The following CACNA1C variants were observed in gnomAD, a reference collection of about 807,000 sequenced individuals.
CACNA1C encodes calcium voltage-gated channel subunit alpha1 C.
Under a neutral mutation model 229.0 loss-of-function variants are expected in CACNA1C, and 30 were observed. The observed-to-expected ratio is 0.13, with a 90% CI of 0.10 to 0.18. The LOEUF (loss-of-function observed/expected upper bound fraction) is 0.18, where lower values mean the gene tolerates loss of function less well. Among genes scored for constraint, CACNA1C ranks in the 10% least tolerant of loss-of-function variants. CACNA1C has a pLI of 1.00. For synonymous variants in CACNA1C, 1,114 were observed against 1,132.5 expected (o/e 0.98, Z 0.33); for missense variants, 1,658 against 2,845.0 (o/e 0.58, Z 9.49).
chr12:2,380,665 T>G (rs2098217193), intron 3 of CACNA1C, among the ~76,000 whole-genome samples: 1 of 152,240 alleles, frequency 6.6e-6, no homozygotes, highest in Admixed American at 6.5e-5. Context: ...AAGGTTGTTC[T>G]TGGCTTAAGG....
intron 7 of CACNA1C, among the ~76,000 whole-genome samples, chr12:2,501,989 G>A (rs2099761525): frequency 6.6e-6 from 1 of 152,236 alleles, no homozygotes; most frequent in African/African-American, 2.4e-5. Context: ...AGGACCACAT[G>A]GACTCTGGGG....
At chr12:2,365,363 A>G (rs545888313) in intron 3 of CACNA1C, among the ~76,000 whole-genome samples, 8 of 152,354 alleles carry the variant, frequency 5.3e-5, no homozygotes, top group South Asian at 2.1e-4. Context: ...CTAGGTTTAG[A>G]TCAAAAGAAT....
At position 2,034,061 on chromosome 12, in the gene CACNA1C, A is replaced by G. The variant is rs1343728114; in HGVS notation, c.139+62860A>G. Among the ~76,000 whole-genome samples, 1 of 152,214 alleles carries G rather than the reference A, an allele frequency of 6.6e-6. No homozygotes were observed. Among genetic ancestry groups the G allele is most frequent in the Non-Finnish European group, 1.5e-5 (1 of 68,022 alleles). ...GCAACATTTATTAATAATAATAACG[A>G]CCACATTTTTAACATCTGCTACACC... On this transcript the variant is annotated intron_variant, in intron 1 of 46. Transcript: ENST00000682462. This position sits in a 1 kb window ranked among gnomAD's most constrained non-coding sequence, Gnocchi z 4.1.
chr12:2,072,051 C>T (rs1040292634), intron 1 of CACNA1C, among the ~76,000 whole-genome samples: 3 of 151,864 alleles, frequency 2.0e-5, no homozygotes, highest in South Asian at 2.1e-4. Context: ...GTATATTTAC[C>T]GGAAAGGGGT....
Position 2,621,159 on chromosome 12 carries a change from A to C in CACNA1C, c.3828+9146A>C, listed in dbSNP as rs561921145. On this transcript the variant is annotated intron_variant, in intron 29 of 46. Transcript: ENST00000399655. ...AGCGCCTCAGTGATGATGTTGAAGC[A>C]TGGTACCATCTTTATAGGGCTCACA... Among the ~76,000 whole-genome samples, 3 of 152,282 alleles carry C rather than the reference A, an allele frequency of 2.0e-5. No homozygotes were observed. In the South Asian group the frequency reaches 6.2e-4, roughly 32 times the overall value.
In CACNA1C at chr12:2,504,611, C is replaced by A. The variant is rs1471232650; in HGVS notation, c.1114-231C>A. 2.1e-6 allele frequency: 2 copies of A among 935,586 alleles called. No individual in the cohort carries two copies. The highest frequency in any genetic ancestry group is 3.5e-6 in the Non-Finnish European group (2 of 566,424). 58.0% of individuals were successfully genotyped at this position (935,586 alleles called of 1,614,324 possible). A position where few individuals can be genotyped will look rare whatever the true frequency, so the allele number is the denominator to read the frequency against. ...GTCTCAGGTTCCACTCCGTACATGC[C>A]CGGGGTCCTCAGGGATGGGACCCTG... On this transcript the variant is annotated intron_variant, in intron 7 of 46. Coordinates refer to ENST00000399655, the MANE Select transcript of CACNA1C (RefSeq NM_000719.7). The surrounding 1 kb of genome is among the most constrained non-coding windows in gnomAD (Gnocchi z 6.8).
At chr12:2,681,533 C>T (rs1362596315) in intron 42 of CACNA1C, among the ~76,000 whole-genome samples, 14 of 152,170 alleles carry the variant, frequency 9.2e-5, no homozygotes, top group Non-Finnish European at 1.8e-4. Context: ...GTCCTGTGCC[C>T]GGTGGCCCCC....
intron 14 of CACNA1C, 45 bp downstream of exon 14, chr12:2,581,842 T>C (rs997742387): frequency 2.4e-6 from 3 of 1,254,584 alleles, no homozygotes; most frequent in South Asian, 1.3e-5. Context: ...GGTGGTTGAG[T>C]GGCGGGGTGG....
rs1477225165 is a variant in CACNA1C at position 2,319,506 on chromosome 12, C to T, written c.478-129470C>T. Among the ~76,000 whole-genome samples, 2 of 152,124 alleles carry T rather than the reference C, an allele frequency of 1.3e-5. No homozygotes were observed. The highest frequency in any genetic ancestry group is 2.9e-5 in the Non-Finnish European group (2 of 68,012). ...CCCCAGGCCCCTGACACCCTGGCTC[C>T]GAACCCCCAGCAGCCAGCGGGTGGG... On this transcript the variant is annotated intron_variant, in intron 3 of 46. Transcript: ENST00000399655. This position sits in a 1 kb window ranked among gnomAD's most constrained non-coding sequence, Gnocchi z 4.0.
Position 2,302,053 on chromosome 12 carries a change from C to T in CACNA1C, c.478-146923C>T, listed in dbSNP as rs575889811. On this transcript the variant is annotated intron_variant, in intron 3 of 46. Transcript: ENST00000399655. Reference sequence around the variant, plus strand: ...GAAACAATTTGTAAACTTTGGTTCACTTACAAGAAAGAAGTGTTTGGGTTT... The same window carrying T: ...GAAACAATTTGTAAACTTTGGTTCATTTACAAGAAAGAAGTGTTTGGGTTT... Among the ~76,000 whole-genome samples, 7 of 152,342 alleles carry T rather than the reference C, an allele frequency of 4.6e-5. No homozygotes were observed. In the South Asian group the frequency reaches 1.5e-3, roughly 32 times the overall value.
intron 3 of CACNA1C, among the ~76,000 whole-genome samples, chr12:2,274,363 T>C (rs566057180): frequency 1.3e-5 from 2 of 152,166 alleles, no homozygotes; most frequent in East Asian, 1.9e-4. Flanking sequence ...CTTCAGGTAA[T>C]AGGGGAAGCA....
chr12:2,101,249 G>A (rs936479443), intron 1 of CACNA1C, among the ~76,000 whole-genome samples: 16 of 152,164 alleles, frequency 1.1e-4, no homozygotes, highest in Non-Finnish European at 1.8e-4. Flanking sequence ...ACACCGTGAC[G>A]AGTACCCAGG....
intron 3 of CACNA1C, among the ~76,000 whole-genome samples, chr12:2,143,236 G>A (rs1333174928): frequency 6.6e-6 from 1 of 151,144 alleles, no homozygotes; most frequent in Non-Finnish European, 1.5e-5. Flanking sequence ...CCAAAGTGCT[G>A]GGATTCCAGG....
intron 1 of CACNA1C, chr12:2,004,624 CCACTG>C (rs2043031132): frequency 2.6e-6 from 2 of 758,652 alleles, no homozygotes; most frequent in Non-Finnish European, 4.1e-6. Flanking sequence ...CGCGCCCCGC[CCACTG>C]AGGATCGTTG....
At chr12:2,279,368 C>A (rs939553670) in intron 3 of CACNA1C, among the ~76,000 whole-genome samples, 1 of 152,198 alleles carries the variant, frequency 6.6e-6, no homozygotes, top group Non-Finnish European at 1.5e-5. Context: ...GTTACCCCTT[C>A]ATCTTTGTGA....
chr12:2,030,399 T>G (rs2154491779), intron 1 of CACNA1C, among the ~76,000 whole-genome samples: 1 of 151,766 alleles, frequency 6.6e-6, no homozygotes, highest in South Asian at 2.1e-4. Context: ...TTTTTTTTTT[T>G]GTTTTAATTT....
In CACNA1C at chr12:2,322,671, C is replaced by T. The variant is rs531584386; in HGVS notation, c.478-126305C>T. On this transcript the variant is annotated intron_variant, in intron 3 of 46. Transcript: ENST00000399655. ...CCTCCCTCTCTCCCTTCCTTCTGCT[C>T]ACCCCAAATGCTTTGTTGAGCCCCT... Among the ~76,000 whole-genome samples the T allele has an allele frequency of 8.0e-4, 122 of 152,368 alleles. 1 individual carries two copies. Among genetic ancestry groups the T allele is most frequent in the African/African-American group, 2.8e-3 (117 of 41,584 alleles).
At chr12:2,085,708 T>C (rs2067325630) in intron 1 of CACNA1C, among the ~76,000 whole-genome samples, 1 of 152,194 alleles carries the variant, frequency 6.6e-6, no homozygotes, top group South Asian at 2.1e-4. Context: ...TGACTCCTTC[T>C]AGCCCTCATC....
chr12:2,560,585 GGATT>G (rs2046903836), intron 11 of CACNA1C, among the ~76,000 whole-genome samples: 1 of 152,258 alleles, frequency 6.6e-6, no homozygotes, highest in Non-Finnish European at 1.5e-5. Context: ...TAACCTGAAG[GGATT>G]GATTACACAA....
Sources: gnomAD v4.1 joint callset for allele counts (sites outside exome capture counted in the v4.1 genomes callset) on GRCh38, gnomAD v4.1.1 for gene constraint, Gnocchi (gnomAD v3.1) non-coding constraint, MANE v1.5 for transcripts, NCBI Gene and HGNC (gene_info 2026-07-23, HGNC 2026-07-21) for gene names.